The following ADARB2 variants were observed in gnomAD, a reference collection of about 807,000 sequenced individuals.
The protein encoded by ADARB2 is inactive double-stranded RNA-specific editase B2.
In ADARB2, 25 loss-of-function variants were observed where a neutral mutation model predicts 62.2. That is an observed-to-expected ratio of 0.40 (90% CI 0.29 to 0.56). The LOEUF is 0.56. ADARB2 is among the 20% of genes least tolerant of loss of function. ADARB2 has a pLI of 0.43. For synonymous variants in ADARB2, 572 were observed against 500.8 expected (o/e 1.14, Z -1.90); for missense variants, 1,071 against 1,077.4 (o/e 0.99, Z 0.08).
At chr10:1,234,664 A>G (rs1830846090) in intron 5 of ADARB2, among the ~76,000 whole-genome samples, 1 of 147,950 alleles carries the variant, frequency 6.8e-6, no homozygotes, top group Non-Finnish European at 1.5e-5. Flanking sequence ...GTGGTCTGGA[A>G]CTTCTGAGCT....
intron 7 of ADARB2, among the ~76,000 whole-genome samples, chr10:1,209,454 C>T (rs1460811943): frequency 1.3e-5 from 2 of 150,884 alleles, no homozygotes; most frequent in Non-Finnish European, 1.5e-5. Flanking sequence ...CTGGCCCACA[C>T]CCACACCATC....
chr10:1,273,329 C>T (rs946044373), intron 3 of ADARB2, among the ~76,000 whole-genome samples: 6 of 152,144 alleles, frequency 3.9e-5, no homozygotes, highest in South Asian at 2.1e-4. Context: ...GGCACTATCA[C>T]GGCTCACTGC....
In ADARB2 at chr10:1,190,660, C is replaced by T. The variant is rs373429968; in HGVS notation, c.1865-5621G>A. On this transcript the variant is annotated intron_variant, in intron 8 of 9. Transcript: ENST00000381312. ...CAATCCCAGGCTTCCTGGCTTGTAGCGGCTTCACTCCCATCTCTGCCTGCA... is the reference window on the plus strand; with the variant it reads ...CAATCCCAGGCTTCCTGGCTTGTAGTGGCTTCACTCCCATCTCTGCCTGCA... Among the ~76,000 whole-genome samples, 6 of 152,156 alleles carry T rather than the reference C, an allele frequency of 3.9e-5. No homozygotes were observed. The East Asian group carries it at 5.8e-4, about 15-fold the overall frequency.
At chr10:1,428,748 G>C (rs1269715619) in intron 1 of ADARB2, among the ~76,000 whole-genome samples, 1 of 152,044 alleles carries the variant, frequency 6.6e-6, no homozygotes, top group Admixed American at 6.6e-5. Flanking sequence ...CGGATGTTCT[G>C]TGTTCTTCAC....
At chr10:1,404,236 T>C (rs1760305072) in intron 1 of ADARB2, among the ~76,000 whole-genome samples, 1 of 27,442 alleles carries the variant, frequency 3.6e-5, no homozygotes, top group African/African-American at 8.0e-5. Context: ...AGGAGCTCTA[T>C]GCTTGGCCAT....
chr10:1,366,486 G>A (rs1175313901), intron 2 of ADARB2, among the ~76,000 whole-genome samples: 1 of 152,088 alleles, frequency 6.6e-6, no homozygotes, highest in African/African-American at 2.4e-5. Flanking sequence ...CCACCCTGAG[G>A]CTTGGCTCAT....
chr10:1,657,023 G>GTGTA (rs1834180803), intron 1 of ADARB2, among the ~76,000 whole-genome samples: 1 of 151,738 alleles, frequency 6.6e-6, no homozygotes, highest in Non-Finnish European at 1.5e-5. Flanking sequence ...GTGTGTGTGT[G>GTGTA]TGTGTGGTGT....
At chr10:1,730,439 A>C (rs905443312) in intron 1 of ADARB2, among the ~76,000 whole-genome samples, 12 of 152,196 alleles carry the variant, frequency 7.9e-5, no homozygotes, top group African/African-American at 2.9e-4. Flanking sequence ...CATTTGCATC[A>C]GAACTGAATT....
chr10:1,405,060 C>T (rs907488942), intron 1 of ADARB2, among the ~76,000 whole-genome samples: 17 of 152,162 alleles, frequency 1.1e-4, no homozygotes, highest in African/African-American at 3.1e-4. Flanking sequence ...CTCCCAGCTC[C>T]GAGGGCTCCC....
chr10:1,733,948 A>G (rs1261634215), intron 1 of ADARB2, among the ~76,000 whole-genome samples: 1 of 111,822 alleles, frequency 8.9e-6, no homozygotes, highest in Non-Finnish European at 2.1e-5. Flanking sequence ...GTCATGGGAT[A>G]TGAACGTTGC....
intron 1 of ADARB2, among the ~76,000 whole-genome samples, chr10:1,451,416 G>A (rs1831036397): frequency 6.6e-6 from 1 of 152,222 alleles, no homozygotes; most frequent in South Asian, 2.1e-4. Context: ...GCCAAGTGAG[G>A]CTCAGAGTCT....
At chr10:1,220,882 C>T (rs1589155970) in intron 6 of ADARB2, among the ~76,000 whole-genome samples, 1 of 152,248 alleles carries the variant, frequency 6.6e-6, no homozygotes, top group Non-Finnish European at 1.5e-5. Flanking sequence ...AGGAGTTAAC[C>T]CAAAGCTTTC....
rs202131253 is a variant in ADARB2 at position 1,273,547 on chromosome 10, G to T, written c.1078-2478C>A. On this transcript the variant is annotated intron_variant, in intron 3 of 9. Transcript: ENST00000381312. ...TCCTTGGTTCTCCCCTAGAAGGCTG[G>T]CTGCCCACATCTAAAGGTCAGGCCT... Among the ~76,000 whole-genome samples, 17 of 152,306 alleles carry T rather than the reference G, an allele frequency of 1.1e-4. No homozygotes were observed. In the East Asian group the frequency reaches 3.3e-3, roughly 29 times the overall value.
chr10:1,443,971 A>G (rs1444262280), intron 1 of ADARB2, among the ~76,000 whole-genome samples: 5 of 152,082 alleles, frequency 3.3e-5, no homozygotes, highest in African/African-American at 7.2e-5. Context: ...CCATCTATCC[A>G]TCCATCCATC....
intron 1 of ADARB2, among the ~76,000 whole-genome samples, chr10:1,673,314 A>ATG (rs66687699): frequency 0.02 from 3,025 of 149,598 alleles, 46 homozygotes; most frequent in African/African-American, 0.046. Context: ...ATTTCATTTT[A>ATG]TGTGTGTGTG....
intron 1 of ADARB2, among the ~76,000 whole-genome samples, chr10:1,445,046 T>C (rs1348542345): frequency 7.0e-6 from 1 of 143,830 alleles, no homozygotes; most frequent in East Asian, 2.2e-4. Context: ...TCATTCACCA[T>C]CCATCCATCT....
intron 4 of ADARB2, among the ~76,000 whole-genome samples, chr10:1,252,125 C>T (rs1342795307): frequency 6.6e-6 from 1 of 152,218 alleles, no homozygotes; most frequent in African/African-American, 2.4e-5. Context: ...GGAACTAAGT[C>T]ATTCTCAGCC....
At chr10:1,562,741 G>A (rs975478241) in intron 1 of ADARB2, among the ~76,000 whole-genome samples, 3 of 152,248 alleles carry the variant, frequency 2.0e-5, no homozygotes, top group Non-Finnish European at 4.4e-5. Flanking sequence ...TGATGGGCAG[G>A]CCACTTCACT....
At chr10:1,368,396 T>A (rs546859655) in intron 2 of ADARB2, among the ~76,000 whole-genome samples, 1 of 152,264 alleles carries the variant, frequency 6.6e-6, no homozygotes, top group South Asian at 2.1e-4. Flanking sequence ...CATCCTCCTC[T>A]CAGCCGCATC....
Sources: allele counts gnomAD v4.1 joint callset (sites outside exome capture counted in the v4.1 genomes callset), GRCh38; gene constraint gnomAD v4.1.1; transcripts MANE v1.5; gene names NCBI Gene and HGNC (gene_info 2026-07-23, HGNC 2026-07-21).